Variants in VAV3 observed in about 807,000 individuals in gnomAD.
VAV3 encodes guanine nucleotide exchange factor VAV3.
Under a neutral mutation model 131.2 loss-of-function variants are expected in VAV3, and 94 were observed. The ratio of observed to expected loss-of-function variants is 0.72; its 90% CI spans 0.61 to 0.85. The LOEUF is 0.85. Among genes scored for constraint, VAV3 ranks in the 40% least tolerant of loss-of-function variants. The probability of loss-of-function intolerance (pLI) is 0.00; values close to 1 mark genes in which losing one functional copy is unlikely to be tolerated. For missense variants in VAV3, 939 were observed against 1,002.7 expected (o/e 0.94, Z 0.86); for synonymous variants, 349 against 342.0 (o/e 1.02, Z -0.22).
intron 22 of VAV3, among the ~76,000 whole-genome samples, chr1:107,608,308 T>G (rs1231182487): frequency 6.6e-6 from 1 of 152,188 alleles, no homozygotes; most frequent in East Asian, 1.9e-4. Flanking sequence ...TATTAGCATT[T>G]TATCTCTCAA....
intron 19 of VAV3, among the ~76,000 whole-genome samples, chr1:107,659,749 C>T (rs1656867939): frequency 6.6e-6 from 1 of 152,158 alleles, no homozygotes; most frequent in Middle Eastern, 3.4e-3. Flanking sequence ...TGCTGTTACC[C>T]GCACTTGGTT....
intron 20 of VAV3, among the ~76,000 whole-genome samples, chr1:107,631,659 G>A (rs561126993): frequency 8.3e-6 from 1 of 121,110 alleles, no homozygotes; most frequent in Admixed American, 1.1e-4. Flanking sequence ...CCCAGAGTGT[G>A]ATGTTCCCCT....
Position 107,768,517 on chromosome 1 carries a change from G to A in VAV3, c.649-8C>T. 6.2e-7 allele frequency: 1 copy of A among 1,605,554 alleles called. No individual in the cohort carries two copies. The highest frequency in any genetic ancestry group is 2.2e-5 in the East Asian group (1 of 44,616). On this transcript the variant is annotated splice_polypyrimidine_tract_variant and splice_region_variant and intron_variant, in intron 6 of 26. Coordinates refer to ENST00000370056, the MANE Select transcript of VAV3 (RefSeq NM_006113.5). ...TAGTGGTGCCATGAAATACTACCAG[G>A]AAAGAAGAAGAAAATAGTAATTAAG...
Position 107,874,784 on chromosome 1 carries a change from A to C in VAV3, c.321+117T>G, listed in dbSNP as rs1300345692. Reference sequence around the variant, plus strand: ...GCTAAGCCATCTACATGTGAAATTTAACTATATAATGCAGATACATAAACC... The same window carrying C: ...GCTAAGCCATCTACATGTGAAATTTCACTATATAATGCAGATACATAAACC... On this transcript the variant is annotated intron_variant, in intron 2 of 26. Transcript: ENST00000370056. 3 of 826,040 alleles carry C rather than the reference A, an allele frequency of 3.6e-6. No homozygotes were observed. The East Asian group carries it at 8.0e-5, about 22-fold the overall frequency. 51.2% of individuals were successfully genotyped at this position (826,040 alleles called of 1,614,324 possible). A position where few individuals can be genotyped will look rare whatever the true frequency, so the allele number is the denominator to read the frequency against.
intron 17 of VAV3, among the ~76,000 whole-genome samples, chr1:107,691,978 C>T (rs1053282560): frequency 3.9e-5 from 6 of 152,070 alleles, no homozygotes; most frequent in African/African-American, 1.2e-4. Flanking sequence ...ATACAAGTGG[C>T]TCTCAATTCA....
intron 19 of VAV3, among the ~76,000 whole-genome samples, chr1:107,662,561 T>A (rs2101631251): frequency 6.6e-6 from 1 of 152,310 alleles, no homozygotes; most frequent in Middle Eastern, 3.4e-3. Context: ...CTTTTCTATT[T>A]CATTAAAAGC....
At chr1:107,605,893 C>T (rs927627049) in intron 22 of VAV3, among the ~76,000 whole-genome samples, 3 of 152,176 alleles carry the variant, frequency 2.0e-5, no homozygotes, top group African/African-American at 4.8e-5. Context: ...ATAAGGGATA[C>T]TCAACCTATA....
rs1051123580 is a variant in VAV3 at position 107,783,406 on chromosome 1, G to A, written c.322-3914C>T. 2.6e-5 allele frequency among the ~76,000 whole-genome samples: 4 copies of A among 152,322 alleles called. No individual in the cohort carries two copies. In the East Asian group the frequency reaches 5.8e-4, roughly 22 times the overall value. On this transcript the variant is annotated intron_variant, in intron 2 of 26. Coordinates refer to ENST00000370056, the MANE Select transcript of VAV3 (RefSeq NM_006113.5). ...CAAGATGGCTGCAGTAGACAGGAAA[G>A]TAGTGGAAATGGGAGGAGTGTTCAG...
At chr1:107,940,509 G>A (rs1347254460) in intron 1 of VAV3, among the ~76,000 whole-genome samples, 1 of 152,146 alleles carries the variant, frequency 6.6e-6, no homozygotes, top group Non-Finnish European at 1.5e-5. Flanking sequence ...AAGTCCTCCT[G>A]GTTTCAGCCT....
At chr1:107,868,101 C>T (rs1670085974) in intron 2 of VAV3, among the ~76,000 whole-genome samples, 1 of 152,168 alleles carries the variant, frequency 6.6e-6, no homozygotes, top group Non-Finnish European at 1.5e-5. Flanking sequence ...TGTGCAATAG[C>T]ACCACACTAG....
At chr1:107,935,435 G>C (rs1673658755) in intron 1 of VAV3, among the ~76,000 whole-genome samples, 1 of 152,012 alleles carries the variant, frequency 6.6e-6, no homozygotes, top group Non-Finnish European at 1.5e-5. Context: ...GAGACCACAG[G>C]GTCTACTCTC....
At chr1:107,795,231 A>G (rs981288010) in intron 2 of VAV3, among the ~76,000 whole-genome samples, 1 of 152,226 alleles carries the variant, frequency 6.6e-6, no homozygotes, top group Non-Finnish European at 1.5e-5. Flanking sequence ...ATCCTGAATG[A>G]AGAAATATTT....
chr1:107,619,963 T>C (rs562404279), intron 20 of VAV3, among the ~76,000 whole-genome samples: 2 of 152,324 alleles, frequency 1.3e-5, no homozygotes, highest in African/African-American at 2.4e-5. Context: ...ACCTACTCTG[T>C]CATCTCTTCC....
At chr1:107,878,698 C>T (rs1210859343) in intron 1 of VAV3, among the ~76,000 whole-genome samples, 19 of 152,166 alleles carry the variant, frequency 1.2e-4, no homozygotes, top group Admixed American at 1.2e-3. Context: ...CCCATCATTA[C>T]TGAGGCTAAA....
chr1:107,960,631 C>T (rs1234174125), intron 1 of VAV3, among the ~76,000 whole-genome samples: 7 of 152,166 alleles, frequency 4.6e-5, no homozygotes, highest in Admixed American at 4.6e-4. Context: ...ACGTTTCCCA[C>T]TCTTTCCCAC....
intron 15 of VAV3, among the ~76,000 whole-genome samples, chr1:107,716,165 C>T (rs1661079409): frequency 6.6e-6 from 1 of 152,010 alleles, no homozygotes; most frequent in Admixed American, 6.6e-5. Flanking sequence ...ATAAACTGAC[C>T]AGGATTTTTA....
chr1:107,575,711 T>C (rs1649600721), intron 25 of VAV3, among the ~76,000 whole-genome samples: 1 of 152,216 alleles, frequency 6.6e-6, no homozygotes, highest in African/African-American at 2.4e-5. Context: ...CCACATTTTT[T>C]CTCATCTATG....
chr1:107,649,366 T>G (rs1300594901), intron 19 of VAV3, among the ~76,000 whole-genome samples: 2 of 152,022 alleles, frequency 1.3e-5, no homozygotes, highest in African/African-American at 2.4e-5. Context: ...GAATATTTGC[T>G]CTTACAGAAC....
intron 1 of VAV3, among the ~76,000 whole-genome samples, chr1:107,885,403 C>T (rs1444301027): frequency 6.6e-6 from 1 of 151,236 alleles, no homozygotes; most frequent in Non-Finnish European, 1.5e-5. Context: ...CTCCTCACCA[C>T]AACTTATTTT....
Sources: allele counts gnomAD v4.1 joint callset (sites outside exome capture counted in the v4.1 genomes callset), GRCh38; gene constraint gnomAD v4.1.1; transcripts MANE v1.5; gene names NCBI Gene and HGNC (gene_info 2026-07-23, HGNC 2026-07-21).